The following ADAM20 variants were observed in gnomAD, a reference collection of about 807,000 sequenced individuals.
ADAM20 encodes the protein ADAM metallopeptidase domain 20, also known as disintegrin and metalloproteinase domain-containing protein 20.
For missense variants in ADAM20, 871 were observed against 883.2 expected (o/e 0.99, Z 0.18); for synonymous variants, 305 against 310.2 (o/e 0.98, Z 0.18).
At chr14:70,555,051 G>A in the ADAM20 span, among the ~76,000 whole-genome samples, 1 of 152,132 alleles carries the variant, frequency 6.6e-6, no homozygotes, top group Admixed American at 6.5e-5. Context: ...AGTCATTTAC[G>A]GTGTACGCCC....
the ADAM20 span, among the ~76,000 whole-genome samples, chr14:70,567,894 C>G: frequency 1.3e-5 from 2 of 152,068 alleles, no homozygotes; most frequent in African/African-American, 4.8e-5. Flanking sequence ...AGGATAAGGA[C>G]CTGGTGCACC....
At chr14:70,559,640 C>T in the ADAM20 span, among the ~76,000 whole-genome samples, 1 of 152,194 alleles carries the variant, frequency 6.6e-6, no homozygotes, top group African/African-American at 2.4e-5. Context: ...AATATACCTC[C>T]TGCCATCACT....
chr14:70,522,640 TA>T lies in ADAM20; in HGVS notation c.2117del (p.Leu706TyrfsTer?). 1 of 1,613,794 alleles carries T rather than the reference TA, an allele frequency of 6.2e-7. No homozygotes were observed. The highest frequency in any genetic ancestry group is 8.5e-7 in the Non-Finnish European group (1 of 1,179,848). ...TAAAAAGCACATGTAAGCAAAATAATAAAAAAGCAACCAAAGGAAGAAGGCA... is the reference window on the plus strand; with the variant it reads ...TAAAAAGCACATGTAAGCAAAATAATAAAAAGCAACCAAAGGAAGAAGGCA... ...LLCLLPLVAF[L>X]LFCLHVLFKK... On this transcript the variant is annotated frameshift_variant, in exon 2 of 2. Coordinates refer to ENST00000256389, the MANE Select transcript of ADAM20 (RefSeq NM_003814.5). LOFTEE classifies it low-confidence loss of function (END_TRUNC).
chr14:70,565,570 C>T, the ADAM20 span, among the ~76,000 whole-genome samples: 5 of 152,164 alleles, frequency 3.3e-5, no homozygotes, highest in African/African-American at 4.8e-5. Flanking sequence ...GCAGATTCCT[C>T]ATCAGAAACT....
At chr14:70,562,758 G>C in the ADAM20 span, among the ~76,000 whole-genome samples, 3 of 152,142 alleles carry the variant, frequency 2.0e-5, no homozygotes, top group African/African-American at 4.8e-5. Context: ...TGCCATGATT[G>C]TAAGTTTCCT....
chr14:70,579,107 T>C, the ADAM20 span, among the ~76,000 whole-genome samples: 1 of 152,170 alleles, frequency 6.6e-6, no homozygotes, highest in Non-Finnish European at 1.5e-5. Flanking sequence ...CTTGACTGAT[T>C]CCATGTCTTT....
In ADAM20 at chr14:70,522,931, T is replaced by G; in HGVS notation, c.1827A>C (p.Lys609Asn). ...TTTCTGGACCACATACTGTGCCATC[T>G]TTCACCTCACCAATATCAGGTATAG... is the stretch of plus-strand genomic sequence containing the variant. ...GMAIPDIGEV[K>N]DGTVCGPEKI... The change falls in exon 2 of 2, where the codon AAA becomes AAC. Residue 609 changes from lysine to asparagine, a missense_variant. By Grantham distance (94) the Lys-to-Asn change is moderately conservative (BLOSUM62 0). Coordinates refer to ENST00000256389, the MANE Select transcript of ADAM20 (RefSeq NM_003814.5). The G allele has an allele frequency of 1.9e-6, 3 of 1,614,074 alleles. No homozygotes were observed. Among genetic ancestry groups the G allele is most frequent in the South Asian group, 1.1e-5 (1 of 91,086 alleles).
At chr14:70,545,322 G>A in the ADAM20 span, among the ~76,000 whole-genome samples, 1 of 152,314 alleles carries the variant, frequency 6.6e-6, no homozygotes, top group Admixed American at 6.5e-5. Context: ...CTGGCACAGA[G>A]AATCTGCGCA....
At chr14:70,553,751 TAA>T in the ADAM20 span, among the ~76,000 whole-genome samples, 6,339 of 142,690 alleles carry the variant, frequency 0.044, 166 homozygotes, top group Middle Eastern at 0.092. Flanking sequence ...CCCTTCATGA[TAA>T]AAAAAAAAAA....
chr14:70,569,292 G>A, the ADAM20 span, among the ~76,000 whole-genome samples: 7 of 152,118 alleles, frequency 4.6e-5, no homozygotes, highest in African/African-American at 1.4e-4. Context: ...AGATGGAAAC[G>A]AAAGAATGAT....
intron 1 of ADAM20, among the ~76,000 whole-genome samples, chr14:70,527,340 C>G (rs960000863): frequency 6.6e-6 from 1 of 152,142 alleles, no homozygotes; most frequent in Non-Finnish European, 1.5e-5. Flanking sequence ...ATAGCCTTAC[C>G]TACTTGAAGA....
chr14:70,576,734 G>A, the ADAM20 span, among the ~76,000 whole-genome samples: 12 of 152,190 alleles, frequency 7.9e-5, no homozygotes, highest in Non-Finnish European at 1.6e-4. Flanking sequence ...GGGTTGAGGA[G>A]GGACATGAGG....
At chr14:70,539,193 G>C (rs557325148), upstream of ADAM20, among the ~76,000 whole-genome samples, 58 of 127,592 alleles carry the variant, frequency 4.5e-4, no homozygotes, top group Non-Finnish European at 8.2e-4. Context: ...TACTGCTATG[G>C]AATAAAAGAT....
chr14:70,558,337 A>C, the ADAM20 span, among the ~76,000 whole-genome samples: 1 of 152,350 alleles, frequency 6.6e-6, no homozygotes, highest in South Asian at 2.1e-4. Context: ...CATAGATCGG[A>C]TTTGATATTT....
At chr14:70,555,509 CTCTTAG>C in the ADAM20 span, among the ~76,000 whole-genome samples, 1 of 152,100 alleles carries the variant, frequency 6.6e-6, no homozygotes, top group East Asian at 1.9e-4. Context: ...TACGAACACC[CTCTTAG>C]TCTTTCTTGG....
rs79559701 is a variant in ADAM20 at position 70,529,764 on chromosome 14, G to A, written c.-176-4831C>T. Among the ~76,000 whole-genome samples the A allele has an allele frequency of 7.5e-3, 1,145 of 152,294 alleles. 8 individuals are homozygous for A. Among genetic ancestry groups the A allele is most frequent in the South Asian group, 0.031 (149 of 4,828 alleles). On this transcript the variant is annotated intron_variant, in intron 1 of 1. Transcript: ENST00000256389. ...CTGGGTAAGTCAGTAAGTAAATGGT[G>A]AGTGAATGTGAAGGCCTGGGACATT... is the stretch of plus-strand genomic sequence containing the variant.
At chr14:70,560,621 G>A in the ADAM20 span, among the ~76,000 whole-genome samples, 1 of 152,282 alleles carries the variant, frequency 6.6e-6, no homozygotes, top group East Asian at 1.9e-4. Context: ...CCTGGTGGGA[G>A]ATGATTGGAT....
At chr14:70,550,851 C>A in the ADAM20 span, among the ~76,000 whole-genome samples, 2 of 96,758 alleles carry the variant, frequency 2.1e-5, no homozygotes, top group Non-Finnish European at 3.9e-5. Context: ...GAGACACAAC[C>A]AAAAAAGAGA....
intron 1 of ADAM20, among the ~76,000 whole-genome samples, chr14:70,527,440 C>T (rs1042632423): frequency 1.3e-5 from 2 of 152,066 alleles, no homozygotes; most frequent in Non-Finnish European, 2.9e-5. Context: ...CTCTACTAAC[C>T]TTAAAATATT....
Sources: gnomAD v4.1 joint callset for allele counts (sites outside exome capture counted in the v4.1 genomes callset) on GRCh38, gnomAD v4.1.1 for gene constraint, MANE v1.5 for transcripts, NCBI Gene and HGNC (gene_info 2026-07-23, HGNC 2026-07-21) for gene names.